The following DMTN variants were observed in gnomAD, a reference collection of about 807,000 sequenced individuals.
DMTN encodes dematin actin binding protein, also known as dematin.
A neutral mutation model predicts 59.4 loss-of-function variants in DMTN; 27 were observed. The observed-to-expected ratio is 0.45, with a 90% CI of 0.33 to 0.63. The LOEUF (loss-of-function observed/expected upper bound fraction) is 0.63. Among genes scored for constraint, DMTN ranks in the 20% least tolerant of loss-of-function variants. The pLI, the probability that DMTN is intolerant of heterozygous loss-of-function variation, is 0.02. For synonymous variants in DMTN, 221 were observed against 203.7 expected (o/e 1.08, Z -0.72); for missense variants, 451 against 528.9 (o/e 0.85, Z 1.45).
chr8:22,049,926 G>A (rs1260724576), upstream of DMTN, among the ~76,000 whole-genome samples: 2 of 152,150 alleles, frequency 1.3e-5, no homozygotes, highest in East Asian at 3.9e-4. Flanking sequence ...TGGGAGGTGG[G>A]TGCAGCTACA....
rs1554562329 is a variant in DMTN at position 22,079,273 on chromosome 8, A to ATATATAT, written c.836-907_836-906insTATATAT. On this transcript the variant is annotated intron_variant, in intron 10 of 15. Coordinates refer to ENST00000358242, the MANE Select transcript of DMTN (RefSeq NM_001387751.1). ...AAAAATAAAAATAAATAAATAAATA[A>ATATATAT]ATAAATATATATATATATATATATA... Among the ~76,000 whole-genome samples the ATATATAT allele has an allele frequency of 4.1e-3, 116 of 28,534 alleles. 1 individual carries two copies. Among genetic ancestry groups the ATATATAT allele is most frequent in the African/African-American group, 0.011 (111 of 9,974 alleles). The allele number at this position is 28,534 out of a possible 152,430, so 18.7% of individuals were successfully genotyped here.
rs548302817 is a variant in DMTN, at chr8:22,062,886, C to T, written c.-171-3819C>T. 1.1e-4 allele frequency among the ~76,000 whole-genome samples: 16 copies of T among 148,858 alleles called. No homozygotes were observed. In the South Asian group the frequency reaches 3.4e-3, roughly 32 times the overall value. ...ACCCTTTGCTGAAAACACAAAGACT[C>T]ACTAGAGACTTCCTGGCCCCTGCGA... On this transcript the variant is annotated intron_variant, in intron 1 of 15. Transcript: ENST00000358242.
At chr8:22,068,781 C>T (rs1452855813) in intron 4 of DMTN, among the ~76,000 whole-genome samples, 2 of 151,938 alleles carry the variant, frequency 1.3e-5, no homozygotes, top group African/African-American at 4.8e-5. Context: ...AAAAGAGTGC[C>T]CTTGGAGCCC....
upstream of DMTN, among the ~76,000 whole-genome samples, chr8:22,051,860 C>T (rs1458642748): frequency 6.6e-6 from 1 of 152,214 alleles, no homozygotes; most frequent in Non-Finnish European, 1.5e-5. Context: ...TACCATCAAC[C>T]ACAGCTCTAC....
upstream of DMTN, among the ~76,000 whole-genome samples, chr8:22,054,419 T>G (rs1801772000): frequency 6.6e-6 from 1 of 152,030 alleles, no homozygotes; most frequent in Non-Finnish European, 1.5e-5. Flanking sequence ...TGGGACCAGG[T>G]GAAGGTGCTC....
intron 10 of DMTN, among the ~76,000 whole-genome samples, chr8:22,078,367 A>G (rs528526727): frequency 2.7e-5 from 4 of 150,890 alleles, no homozygotes; most frequent in African/African-American, 9.7e-5. Flanking sequence ...TCTGTATCAA[A>G]AAACAAAAAA....
At chr8:22,071,787 C>T (rs993551075) in intron 8 of DMTN, among the ~76,000 whole-genome samples, 3 of 151,724 alleles carry the variant, frequency 2.0e-5, no homozygotes, top group African/African-American at 7.3e-5. Flanking sequence ...TCACCATGTT[C>T]GCCAGGATTG....
intron 1 of DMTN, among the ~76,000 whole-genome samples, chr8:22,057,372 G>C (rs1210240673): frequency 1.3e-5 from 2 of 152,158 alleles, no homozygotes; most frequent in African/African-American, 4.8e-5. Flanking sequence ...ACTGCTCCCA[G>C]CCCAATCCCC....
Position 22,080,408 on chromosome 8 carries a change from C to G in DMTN, c.901-4C>G. On this transcript the variant is annotated splice_region_variant and splice_polypyrimidine_tract_variant and intron_variant, in intron 11 of 15. Coordinates refer to ENST00000358242, the MANE Select transcript of DMTN (RefSeq NM_001387751.1). The stretch of plus-strand genomic sequence containing the variant: ...TGCCTCTGATTCCTTTGTGTCCTTT[C>G]TAGCTACAGTCCACAGAGTTCAGCC... 1 of 1,614,244 alleles carries G rather than the reference C, an allele frequency of 6.2e-7. No homozygotes were observed. The highest frequency in any genetic ancestry group is 8.5e-7 in the Non-Finnish European group (1 of 1,180,042).
chr8:22,081,287 C>T, intron 15 of DMTN, 63 bp from the exon 16 acceptor site: 1 of 1,586,496 alleles, frequency 6.3e-7, no homozygotes, highest in Admixed American at 1.7e-5. Context: ...GTGAGTGTCC[C>T]CTAGGTCACT....
In DMTN at chr8:22,081,393, C is replaced by G. The variant is rs781152413; in HGVS notation, c.1148C>G (p.Ser383Cys). ...AEDFSRVFAM[S>C]PEEFGKLALW... is the part of the protein sequence containing the mutation. ...GACTTCTCAAGGGTATTTGCCATGT[C>G]CCCTGAAGAGTTTGGCAAGCTGGCT... The change falls in exon 16 of 16, where the codon TCC becomes TGC. Residue 383 changes from serine to cysteine, a missense_variant. Coordinates refer to ENST00000358242, the MANE Select transcript of DMTN (RefSeq NM_001387751.1). 3 of 1,614,086 alleles carry G rather than the reference C, an allele frequency of 1.9e-6. No homozygotes were observed. The highest frequency in any genetic ancestry group is 2.5e-6 in the Non-Finnish European group (3 of 1,179,992).
intron 8 of DMTN, among the ~76,000 whole-genome samples, chr8:22,071,155 G>A (rs1220873289): frequency 6.6e-6 from 1 of 152,060 alleles, no homozygotes; most frequent in East Asian, 1.9e-4. Flanking sequence ...GTAGTGCAGT[G>A]GCACAATCTT....
chr8:22,076,290 G>T (rs1034211144), intron 10 of DMTN, among the ~76,000 whole-genome samples: 2 of 151,950 alleles, frequency 1.3e-5, no homozygotes, highest in African/African-American at 4.8e-5. Context: ...ATTGTACAGA[G>T]AGAGGAGGGA....
intron 9 of DMTN, 52 bp from the exon 10 acceptor site, chr8:22,073,678 G>C: frequency 2.7e-6 from 2 of 752,266 alleles, no homozygotes; most frequent in African/African-American, 1.9e-5. Context: ...AGAGAAAAAA[G>C]AAACATTCAA....
chr8:22,072,096 C>A (rs908251573), intron 8 of DMTN, among the ~76,000 whole-genome samples: 4 of 152,034 alleles, frequency 2.6e-5, no homozygotes, highest in African/African-American at 7.2e-5. Context: ...ACTATATTAC[C>A]CCAGGCTGTT....
At chr8:22,071,979 G>T (rs77772220) in intron 8 of DMTN, among the ~76,000 whole-genome samples, 1 of 151,750 alleles carries the variant, frequency 6.6e-6, no homozygotes, top group South Asian at 2.1e-4. Context: ...CTGTAGCCTC[G>T]AATTACTGGG....
In DMTN at chr8:22,080,858, G is replaced by A. The variant is rs1452524720; in HGVS notation, c.1011G>A (p.Val337=). ...ACCGGGGGAACTCCCTGCCCTGTGT[G>A]CTGGAGCAGAAGGTGAGGGGCAGGG... The part of the protein sequence containing the change: ...RMDRGNSLPC[V]LEQKIYPYEM... The change falls in exon 14 of 16, where the codon GTG becomes GTA. Residue 337 remains valine, a synonymous_variant. Transcript: ENST00000358242. 6.3e-7 allele frequency: 1 copy of A among 1,579,618 alleles called. No homozygotes were observed. Among genetic ancestry groups the A allele is most frequent in the African/African-American group, 1.3e-5 (1 of 74,336 alleles).
intron 7 of DMTN, 79 bp from the exon 8 acceptor site, chr8:22,070,103 G>T (rs964495465): frequency 1.3e-6 from 2 of 1,544,034 alleles, no homozygotes; most frequent in Non-Finnish European, 8.8e-7. Flanking sequence ...GACCTCACAG[G>T]TGTGAGGGGG....
chr8:22,065,684 A>G (rs1468774105), intron 1 of DMTN, among the ~76,000 whole-genome samples: 1 of 152,084 alleles, frequency 6.6e-6, no homozygotes, highest in Non-Finnish European at 1.5e-5. Context: ...CGCTACTGAA[A>G]ATACAAAAAT....
Sources: gnomAD v4.1 joint callset for allele counts (sites outside exome capture counted in the v4.1 genomes callset) on GRCh38, gnomAD v4.1.1 for gene constraint, MANE v1.5 for transcripts, NCBI Gene and HGNC (gene_info 2026-07-23, HGNC 2026-07-21) for gene names.